Variants in TTC7B observed in about 807,000 individuals in gnomAD.
The protein encoded by TTC7B is tetratricopeptide repeat protein 7B.
TTC7B carries 28 observed loss-of-function variants against 106.8 expected under a neutral mutation model. The ratio of observed to expected loss-of-function variants is 0.26; its 90% CI spans 0.19 to 0.36. The LOEUF (loss-of-function observed/expected upper bound fraction) is 0.36. Among genes scored for constraint, TTC7B ranks in the 10% least tolerant of loss-of-function variants. The pLI, the probability that TTC7B is intolerant of heterozygous loss-of-function variation, is 1.00. For missense variants in TTC7B, 862 were observed against 1,076.4 expected, an observed-to-expected ratio of 0.80 and a Z score of 2.79; for synonymous variants, 405 against 430.6, an observed-to-expected ratio of 0.94 and a Z score of 0.74.
chr14:90,571,803 G>A (rs1327329376), intron 19 of TTC7B, among the ~76,000 whole-genome samples: 11 of 152,332 alleles, frequency 7.2e-5, no homozygotes, highest in South Asian at 2.1e-4. Flanking sequence ...TTCTGAAGAC[G>A]TTTCTCCAAG....
intron 5 of TTC7B, among the ~76,000 whole-genome samples, chr14:90,707,016 C>G (rs765291282): frequency 3.3e-5 from 5 of 152,160 alleles, no homozygotes; most frequent in Non-Finnish European, 5.9e-5. Flanking sequence ...ACAGTTTTTC[C>G]TAGACTACTT....
At chr14:90,710,386 C>T (rs1888399779) in intron 5 of TTC7B, among the ~76,000 whole-genome samples, 1 of 152,270 alleles carries the variant, frequency 6.6e-6, no homozygotes, top group Non-Finnish European at 1.5e-5. Context: ...GGAATCTACT[C>T]CTGGTGAAGA....
At chr14:90,675,215 T>C (rs1238119718) in intron 9 of TTC7B, 1 of 152,198 alleles carries the variant, frequency 6.6e-6, no homozygotes, top group Non-Finnish European at 1.5e-5. Flanking sequence ...CCCAATAGGA[T>C]GGAAGTAGAT....
rs1411132748 is a variant in TTC7B, at chr14:90,802,879, G to A, written c.121+13296C>T. On this transcript the variant is annotated intron_variant, in intron 1 of 19. Coordinates refer to ENST00000328459, the MANE Select transcript of TTC7B (RefSeq NM_001010854.2). This position sits in a 1 kb window ranked among gnomAD's most constrained non-coding sequence, Gnocchi z 4.7. ...GATAAGGCCGGGCACGGTGGCTCAC[G>A]CCTGTAATCCCAGCACTTTGGGAGG... Among the ~76,000 whole-genome samples, 1 of 151,706 alleles carries A rather than the reference G, an allele frequency of 6.6e-6. No homozygotes were observed. The highest frequency in any genetic ancestry group is 1.9e-4 in the East Asian group (1 of 5,160).
At chr14:90,681,862 G>C (rs541122889) in intron 7 of TTC7B, among the ~76,000 whole-genome samples, 2 of 136,028 alleles carry the variant, frequency 1.5e-5, no homozygotes, top group South Asian at 5.2e-4. Context: ...AACCACCTCA[G>C]TATGTTGTTG....
At position 90,786,367 on chromosome 14, in the gene TTC7B, T is replaced by C. The variant is rs746213657; in HGVS notation, c.122-39A>G. On this transcript the variant is annotated intron_variant, in intron 1 of 19. Transcript: ENST00000328459. ...GTGAGAACAAAGTGGGAGCAAGGAA[T>C]GGCCTGCATGTAGGACCCCCTCACT... is the stretch of plus-strand genomic sequence containing the variant. The C allele has an allele frequency of 3.1e-6, 5 of 1,607,834 alleles. No homozygotes were observed. The East Asian group carries it at 8.9e-5, about 29-fold the overall frequency.
chr14:90,549,039 A>C (rs574041324), intron 19 of TTC7B, among the ~76,000 whole-genome samples: 1 of 151,970 alleles, frequency 6.6e-6, no homozygotes, highest in South Asian at 2.1e-4. Flanking sequence ...GAGGCAGGAG[A>C]ATGGTGTGAA....
At chr14:90,678,631 C>G (rs75796758) in intron 8 of TTC7B, among the ~76,000 whole-genome samples, 1 of 152,184 alleles carries the variant, frequency 6.6e-6, no homozygotes, top group Non-Finnish European at 1.5e-5. Context: ...ATTTCAACAT[C>G]CCCTGAAGAG....
intron 5 of TTC7B, among the ~76,000 whole-genome samples, chr14:90,711,279 A>G (rs536496745): frequency 6.6e-6 from 1 of 152,342 alleles, no homozygotes; most frequent in East Asian, 1.9e-4. Flanking sequence ...GAAAATTAAT[A>G]TATTACATTG....
At chr14:90,793,877 G>C (rs910139446) in intron 1 of TTC7B, among the ~76,000 whole-genome samples, 3 of 151,144 alleles carry the variant, frequency 2.0e-5, no homozygotes, top group African/African-American at 7.3e-5. Flanking sequence ...CAAAGTGCTG[G>C]GATTATAGGC....
At chr14:90,589,835 T>C (rs1040451848) in intron 18 of TTC7B, among the ~76,000 whole-genome samples, 2 of 152,268 alleles carry the variant, frequency 1.3e-5, no homozygotes, top group African/African-American at 4.8e-5. Flanking sequence ...CAAATTGCCA[T>C]AATAAGCTAA....
intron 3 of TTC7B, among the ~76,000 whole-genome samples, chr14:90,761,189 G>C (rs868378034): frequency 2.0e-5 from 3 of 146,680 alleles, no homozygotes; most frequent in Non-Finnish European, 4.5e-5. Flanking sequence ...GGACCACCAG[G>C]TTAGGAGGAT....
chr14:90,711,027 TA>T (rs1282817568), intron 5 of TTC7B, among the ~76,000 whole-genome samples: 6 of 151,966 alleles, frequency 3.9e-5, no homozygotes, highest in Non-Finnish European at 8.8e-5. Context: ...GAGGAAAAAA[TA>T]AAAACATTCC....
intron 15 of TTC7B, among the ~76,000 whole-genome samples, chr14:90,638,502 A>T (rs1018098805): frequency 1.3e-5 from 2 of 152,182 alleles, no homozygotes; most frequent in African/African-American, 2.4e-5. Context: ...AGCATGAAAA[A>T]TTTTTTCAGG....
At chr14:90,645,569 C>T (rs754738911) in intron 14 of TTC7B, among the ~76,000 whole-genome samples, 2 of 152,216 alleles carry the variant, frequency 1.3e-5, no homozygotes, top group Non-Finnish European at 2.9e-5. Flanking sequence ...GCTGCTGCCA[C>T]ACCCACAAGG....
At chr14:90,641,679 C>A (rs1353658326) in intron 15 of TTC7B, among the ~76,000 whole-genome samples, 1 of 152,204 alleles carries the variant, frequency 6.6e-6, no homozygotes, top group Non-Finnish European at 1.5e-5. Flanking sequence ...CTTTTTTGAG[C>A]TTACGGCTTA....
At chr14:90,558,115 G>A (rs1890402834) in intron 19 of TTC7B, among the ~76,000 whole-genome samples, 1 of 152,268 alleles carries the variant, frequency 6.6e-6, no homozygotes, top group Admixed American at 6.5e-5. Flanking sequence ...CTGCAGCCAC[G>A]CCTGCCGTCC....
rs141229874 is a variant in TTC7B at position 90,746,559 on chromosome 14, T to C, written c.446-1637A>G. ...TTTCATTGATTTTTCTCTATCCTTC[T>C]TCTGTTTTCGATTTCATTTATTTCC... On this transcript the variant is annotated intron_variant, in intron 3 of 19. Coordinates refer to ENST00000328459, the MANE Select transcript of TTC7B (RefSeq NM_001010854.2). Among the ~76,000 whole-genome samples the C allele has an allele frequency of 1.9e-3, 297 of 152,314 alleles. 5 individuals carry two copies. Among genetic ancestry groups the C allele is most frequent in the African/African-American group, 7.0e-3 (289 of 41,580 alleles).
At position 90,528,164 on chromosome 14, in the gene TTC7B, C is replaced by G. The variant is rs563474329; in HGVS notation, c.*13204G>C. The G allele has an allele frequency of 3.3e-5, 5 of 152,314 alleles. No homozygotes were observed. Among genetic ancestry groups the G allele is most frequent in the Admixed American group, 2.0e-4 (3 of 15,308 alleles). 9.4% of individuals were successfully genotyped at this position (152,314 alleles called of 1,614,324 possible). A position where few individuals can be genotyped will look rare whatever the true frequency, so the allele number is the denominator to read the frequency against. On this transcript the variant is annotated 3_prime_UTR_variant, in exon 20 of 20. Coordinates refer to ENST00000328459, the MANE Select transcript of TTC7B (RefSeq NM_001010854.2). ...AACAGGAATGGGTGACAGCCCCACG[C>G]TCCCCTGCTGTGAGCCTCCAATCCC...
Sources: gnomAD v4.1 joint callset for allele counts (sites outside exome capture counted in the v4.1 genomes callset) on GRCh38, gnomAD v4.1.1 for gene constraint, Gnocchi (gnomAD v3.1) non-coding constraint, MANE v1.5 for transcripts, NCBI Gene and HGNC (gene_info 2026-07-23, HGNC 2026-07-21) for gene names.